ASB4: variants seen among roughly 807,000 people sequenced by gnomAD.
ASB4 encodes the protein ankyrin repeat and SOCS box containing 4.
A neutral mutation model predicts 38.6 loss-of-function variants in ASB4; 35 were observed. That is an observed-to-expected ratio of 0.91 (90% CI 0.69 to 1.20). ASB4 has a LOEUF of 1.20. ASB4 is among the 50% of genes most tolerant of loss of function. The pLI is 0.00. For synonymous variants in ASB4, 195 were observed against 201.3 expected (o/e 0.97, Z 0.26); for missense variants, 557 against 527.2 (o/e 1.06, Z -0.55).
chr7:95,476,143 G>A (rs1314591397), upstream of ASB4, among the ~76,000 whole-genome samples: 4 of 152,080 alleles, frequency 2.6e-5, no homozygotes, highest in East Asian at 5.8e-4. Flanking sequence ...AATTTCATTC[G>A]TCTATAAGTT....
At chr7:95,542,871 A>G (rs1056464577), downstream of ASB4, 1 of 152,226 alleles carries the variant, frequency 6.6e-6, no homozygotes, top group Non-Finnish European at 1.5e-5. Context: ...TGCTGAATCC[A>G]GTTATGGAAA....
At chr7:95,515,350 TTTTTCTTTCTTTC>T (rs1395213775) in intron 2 of ASB4, among the ~76,000 whole-genome samples, 4 of 136,748 alleles carry the variant, frequency 2.9e-5, no homozygotes, top group South Asian at 4.8e-4. Flanking sequence ...TCTTTCTTTC[TTTTTCTTTCTTTC>T]TTTTCTTTCT....
At chr7:95,541,842 T>C (rs887772031), downstream of ASB4, among the ~76,000 whole-genome samples, 43 of 152,138 alleles carry the variant, frequency 2.8e-4, no homozygotes, top group African/African-American at 9.7e-4. Context: ...GGGAGGGTCA[T>C]TGGGTATCAG....
At chr7:95,500,726 A>T (rs1411531431) in intron 2 of ASB4, among the ~76,000 whole-genome samples, 1 of 152,094 alleles carries the variant, frequency 6.6e-6, no homozygotes, top group African/African-American at 2.4e-5. Context: ...ATCTCATCTC[A>T]ACTTCTGAAA....
intron 2 of ASB4, among the ~76,000 whole-genome samples, chr7:95,508,175 G>A (rs967714868): frequency 4.6e-5 from 7 of 152,134 alleles, no homozygotes; most frequent in African/African-American, 1.4e-4. Flanking sequence ...AATTTTTGGT[G>A]TGAGGATTCT....
intron 2 of ASB4, among the ~76,000 whole-genome samples, chr7:95,509,884 T>C (rs73711337): frequency 0.017 from 2,545 of 152,272 alleles, 67 homozygotes; most frequent in African/African-American, 0.058. Flanking sequence ...CAGGCCTCAG[T>C]ACAAAGCTTG....
chr7:95,526,115 T>C (rs1790732933), intron 2 of ASB4, among the ~76,000 whole-genome samples: 1 of 152,050 alleles, frequency 6.6e-6, no homozygotes, highest in Non-Finnish European at 1.5e-5. Context: ...TACAGAAAAA[T>C]TTTCCTTCAG....
chr7:95,531,697 G>A (rs765536207), intron 3 of ASB4, among the ~76,000 whole-genome samples: 1 of 152,154 alleles, frequency 6.6e-6, no homozygotes, highest in Non-Finnish European at 1.5e-5. Flanking sequence ...TCCCTGCCCA[G>A]AGACTAAATG....
At chr7:95,518,262 C>T (rs942744575) in intron 2 of ASB4, among the ~76,000 whole-genome samples, 2 of 152,222 alleles carry the variant, frequency 1.3e-5, no homozygotes, top group Non-Finnish European at 1.5e-5. Flanking sequence ...TAGCTAATGA[C>T]ATATGAACAA....
At chr7:95,542,936 A>G (rs561203827), downstream of ASB4, 23 of 152,360 alleles carry the variant, frequency 1.5e-4, no homozygotes, top group African/African-American at 5.5e-4. Context: ...TTCAGTGCTC[A>G]CTAAGCAGAG....
At chr7:95,549,471 G>GA in the ASB4 span, among the ~76,000 whole-genome samples, 1 of 151,640 alleles carries the variant, frequency 6.6e-6, no homozygotes, top group Non-Finnish European at 1.5e-5. Flanking sequence ...TAATTTTTTT[G>GA]TATTTTTAGT....
intron 2 of ASB4, among the ~76,000 whole-genome samples, chr7:95,514,241 A>G (rs1380243684): frequency 6.6e-6 from 1 of 152,124 alleles, no homozygotes; most frequent in Non-Finnish European, 1.5e-5. Flanking sequence ...GATTACTTGA[A>G]TTTCTGTCTC....
In ASB4 at chr7:95,527,997, G is replaced by A; in HGVS notation, c.672G>A (p.Glu224=). The A allele has an allele frequency of 6.2e-7, 1 of 1,614,130 alleles. No homozygotes were observed. Among genetic ancestry groups the A allele is most frequent in the Non-Finnish European group, 8.5e-7 (1 of 1,180,042 alleles). The change falls in exon 3 of 5, where the codon GAG becomes GAA. Residue 224 remains glutamate (E), a synonymous_variant. Coordinates refer to ENST00000325885, the MANE Select transcript of ASB4 (RefSeq NM_016116.3). ...IAAYWALRFK[E]QEYSTEHHLV... is the part of the protein sequence containing the mutation. ...CCTACTGGGCCCTCCGCTTTAAGGA[G>A]CAGGAGTACAGCACGGAGCACCACC...
chr7:95,527,714 A>G (rs923699441), intron 2 of ASB4, 99 bp from the exon 3 acceptor site: 8 of 1,172,612 alleles, frequency 6.8e-6, no homozygotes, highest in Non-Finnish European at 8.3e-6. Context: ...GGCAGTCAGA[A>G]GTTAAAAGAG....
chr7:95,480,720 A>G lies in ASB4; in HGVS notation n.157+2120A>G, dbSNP rs552083868. ...GTGTCTTTAGTTTGAGGCCACAGACATCATAGAGCAGAGACAAGCCTTTCC... is the reference window on the plus strand; with the variant it reads ...GTGTCTTTAGTTTGAGGCCACAGACGTCATAGAGCAGAGACAAGCCTTTCC... On this transcript the variant is annotated intron_variant and non_coding_transcript_variant, in intron 1 of 1. Transcript: ENST00000257621. Among the ~76,000 whole-genome samples, 5 of 152,344 alleles carry G rather than the reference A, an allele frequency of 3.3e-5. No homozygotes were observed. In the East Asian group the frequency reaches 7.7e-4, roughly 23 times the overall value.
intron 2 of ASB4, among the ~76,000 whole-genome samples, chr7:95,508,530 C>T (rs192236054): frequency 2.0e-5 from 3 of 152,122 alleles, no homozygotes; most frequent in South Asian, 2.1e-4. Flanking sequence ...ACTGGGTTTC[C>T]GAGCAGTCTG....
At chr7:95,483,088 G>A (rs1429113073), upstream of ASB4, among the ~76,000 whole-genome samples, 27 of 152,144 alleles carry the variant, frequency 1.8e-4, no homozygotes, top group Non-Finnish European at 4.0e-4. Flanking sequence ...ATCAAAACTG[G>A]AGTCAAATGA....
At position 95,537,865 on chromosome 7, in the gene ASB4, G is replaced by A; in HGVS notation, c.*106G>A. ...ACTTGGGTTGATTATAACACTTCAG[G>A]GATTTCAAAACACTTTACAAACACT... On this transcript the variant is annotated 3_prime_UTR_variant, in exon 5 of 5. Transcript: ENST00000325885. 4.5e-6 allele frequency: 4 copies of A among 898,558 alleles called. No individual in the cohort carries two copies. Among genetic ancestry groups the A allele is most frequent in the African/African-American group, 1.7e-5 (1 of 59,578 alleles). The allele number at this position is 898,558 out of a possible 1,614,324, so 55.7% of individuals were successfully genotyped here.
Position 95,527,986 on chromosome 7 carries a change from C to T in ASB4, c.661C>T (p.Arg221Cys). ...PLAIAAYWALRFKEQEYSTEH... is the reference protein window; with the variant it reads ...PLAIAAYWALCFKEQEYSTEH... ...GGCCATCGCCGCCTACTGGGCCCTC[C>T]GCTTTAAGGAGCAGGAGTACAGCAC... The change falls in exon 3 of 5, where the codon CGC becomes TGC. Residue 221 changes from arginine (R) to cysteine (C), a missense_variant. Transcript: ENST00000325885. The T allele has an allele frequency of 1.2e-6, 2 of 1,614,094 alleles. No individual in the cohort carries two copies. Among genetic ancestry groups the T allele is most frequent in the South Asian group, 1.1e-5 (1 of 91,072 alleles).
Sources: gnomAD v4.1 joint callset for allele counts (sites outside exome capture counted in the v4.1 genomes callset) on GRCh38, gnomAD v4.1.1 for gene constraint, MANE v1.5 for transcripts, NCBI Gene and HGNC (gene_info 2026-07-23, HGNC 2026-07-21) for gene names.